The following THRAP3 variants were observed in gnomAD, a reference collection of about 807,000 sequenced individuals.
THRAP3 encodes thyroid hormone receptor-associated protein 3.
THRAP3 carries 16 observed loss-of-function variants against 101.0 expected under a neutral mutation model. The ratio of observed to expected loss-of-function variants is 0.16; its 90% CI spans 0.11 to 0.24. The LOEUF is 0.24. Among genes scored for constraint, THRAP3 ranks in the 10% least tolerant of loss-of-function variants. THRAP3 has a pLI of 1.00. For synonymous variants in THRAP3, 407 were observed against 422.6 expected (o/e 0.96, Z 0.45); for missense variants, 989 against 1,202.7 (o/e 0.82, Z 2.63).
the THRAP3 span, among the ~76,000 whole-genome samples, chr1:36,207,791 T>TTTTTTA: frequency 8.6e-5 from 13 of 151,964 alleles, no homozygotes; most frequent in Non-Finnish European, 1.6e-4. Context: ...ACTGAAGACT[T>TTTTTTA]TTTTTATTTT....
chr1:36,250,772 G>A (rs1057344550), intron 1 of THRAP3, among the ~76,000 whole-genome samples: 1 of 151,608 alleles, frequency 6.6e-6, no homozygotes, highest in Non-Finnish European at 1.5e-5. Context: ...AATTAGTTGG[G>A]CGTGGTGGTG....
chr1:36,256,131 C>G lies in THRAP3; in HGVS notation c.-134-3251C>G, dbSNP rs181465233. On this transcript the variant is annotated intron_variant, in intron 1 of 11. Transcript: ENST00000354618. ...TCTTGGGCTCAGGCAGTTCTCTTGCCTCAGCCTCCCATAATGTTGGGGTTA... is the reference window on the plus strand; with the variant it reads ...TCTTGGGCTCAGGCAGTTCTCTTGCGTCAGCCTCCCATAATGTTGGGGTTA... 2.0e-5 allele frequency among the ~76,000 whole-genome samples: 3 copies of G among 151,810 alleles called. No individual in the cohort carries two copies. The East Asian group carries it at 5.8e-4, about 29-fold the overall frequency.
intron 1 of THRAP3, among the ~76,000 whole-genome samples, chr1:36,252,945 T>TATAGATAGGC (rs1645323587): frequency 1.7e-5 from 2 of 115,298 alleles, no homozygotes; most frequent in Non-Finnish European, 3.9e-5. Flanking sequence ...TATATATATA[T>TATAGATAGGC]ATATATATAT....
intron 2 of THRAP3, among the ~76,000 whole-genome samples, chr1:36,269,902 C>CT (rs1342524695): frequency 6.6e-6 from 1 of 151,868 alleles, no homozygotes; most frequent in Non-Finnish European, 1.5e-5. Context: ...TAAATAAAGT[C>CT]TTTTTTAAGG....
chr1:36,230,682 T>A (rs1645018638), intron 1 of THRAP3, among the ~76,000 whole-genome samples: 1 of 152,216 alleles, frequency 6.6e-6, no homozygotes, highest in South Asian at 2.1e-4. Flanking sequence ...TAGGATGTGC[T>A]TTCTGCCACA....
At chr1:36,230,309 G>T (rs1184382860) in intron 1 of THRAP3, among the ~76,000 whole-genome samples, 1 of 151,596 alleles carries the variant, frequency 6.6e-6, no homozygotes, top group Non-Finnish European at 1.5e-5. Context: ...GTAGAGATGG[G>T]GTTTCTCCAT....
upstream of THRAP3, among the ~76,000 whole-genome samples, chr1:36,220,990 T>C (rs1275020249): frequency 7.5e-6 from 1 of 133,882 alleles, no homozygotes; most frequent in Non-Finnish European, 1.6e-5. Flanking sequence ...TATATATATA[T>C]ATATATATAG....
chr1:36,240,163 A>G (rs2124395420), intron 1 of THRAP3, among the ~76,000 whole-genome samples: 1 of 152,314 alleles, frequency 6.6e-6, no homozygotes, highest in South Asian at 2.1e-4. Context: ...ATTAGGAAGA[A>G]TTGGCTCTCA....
At chr1:36,302,683 G>A (rs116458533) in intron 11 of THRAP3, among the ~76,000 whole-genome samples, 3 of 151,906 alleles carry the variant, frequency 2.0e-5, no homozygotes, top group Non-Finnish European at 4.4e-5. Flanking sequence ...TAGCTTTTGT[G>A]GGGGGGTGGT....
At chr1:36,246,416 A>G (rs1279013821) in intron 1 of THRAP3, among the ~76,000 whole-genome samples, 1 of 152,188 alleles carries the variant, frequency 6.6e-6, no homozygotes, top group Non-Finnish European at 1.5e-5. Context: ...TATCTTTAGT[A>G]GAGACGGGGT....
Position 36,270,977 on chromosome 1 carries a change from G to A in THRAP3, c.-32+11493G>A, listed in dbSNP as rs568155233. The stretch of plus-strand genomic sequence containing the variant: ...TCATGGAATGTTAACTTTTTTTTTA[G>A]AATAATGGGGGAGAAATCTCTGCCT... On this transcript the variant is annotated intron_variant, in intron 2 of 11. Coordinates refer to ENST00000354618, the MANE Select transcript of THRAP3 (RefSeq NM_005119.4). Among the ~76,000 whole-genome samples the A allele has an allele frequency of 3.3e-5, 5 of 151,786 alleles. No individual in the cohort carries two copies. The South Asian group carries it at 1.0e-3, about 32-fold the overall frequency.
At chr1:36,216,460 C>T in the THRAP3 span, among the ~76,000 whole-genome samples, 1 of 143,658 alleles carries the variant, frequency 7.0e-6, no homozygotes, top group Non-Finnish European at 1.5e-5. Flanking sequence ...TCGCGCACTG[C>T]ACTCCAGCCT....
At chr1:36,299,628 G>C (rs531631825) in intron 9 of THRAP3, among the ~76,000 whole-genome samples, 6 of 151,788 alleles carry the variant, frequency 4.0e-5, no homozygotes, top group African/African-American at 1.4e-4. Context: ...AGCCTCCTGA[G>C]TAGCTGGGTA....
In THRAP3 at chr1:36,242,516, G is replaced by A. The variant is rs887802537; in HGVS notation, c.-134-16866G>A. 4.8e-5 allele frequency among the ~76,000 whole-genome samples: 7 copies of A among 145,626 alleles called. No homozygotes were observed. The South Asian group carries it at 6.5e-4, about 13-fold the overall frequency. ...CGCCCAGGCTGGAGTGCAGAGACGC[G>A]ATCTCCGCTCACTGCAAGCTCTGCC... On this transcript the variant is annotated intron_variant, in intron 1 of 11. Transcript: ENST00000354618.
At chr1:36,274,048 A>C (rs1645623151) in intron 2 of THRAP3, among the ~76,000 whole-genome samples, 2 of 140,156 alleles carry the variant, frequency 1.4e-5, no homozygotes, top group African/African-American at 5.4e-5. Flanking sequence ...ACCTCAAAAA[A>C]AAAAAAAAGA....
At chr1:36,298,146 CAAAA>C (rs10653561) in intron 9 of THRAP3, among the ~76,000 whole-genome samples, 5 of 96,002 alleles carry the variant, frequency 5.2e-5, no homozygotes, top group African/African-American at 1.2e-4. Flanking sequence ...GACTTCATCT[CAAAA>C]AAAAAAAAAA....
At chr1:36,234,418 T>C (rs1645062460) in intron 1 of THRAP3, among the ~76,000 whole-genome samples, 2 of 152,188 alleles carry the variant, frequency 1.3e-5, no homozygotes, top group East Asian at 1.9e-4. Flanking sequence ...ATTACAGAAA[T>C]AGGAAATGTA....
At chr1:36,293,640 C>CTGTGTGTGTGTG (rs577292328) in intron 7 of THRAP3, among the ~76,000 whole-genome samples, 30,773 of 133,078 alleles carry the variant, frequency 0.23, 4,182 homozygotes, top group Non-Finnish European at 0.28. Flanking sequence ...GAACCTGGGA[C>CTGTGTGTGTGTG]TGTGTGTGTG....
chr1:36,241,424 T>C (rs1303579337), intron 1 of THRAP3, among the ~76,000 whole-genome samples: 48 of 134,186 alleles, frequency 3.6e-4, no homozygotes, highest in East Asian at 3.5e-3. Context: ...TATATATATA[T>C]ATATACACAT....
Sources: gnomAD v4.1 joint callset for allele counts (sites outside exome capture counted in the v4.1 genomes callset) on GRCh38, gnomAD v4.1.1 for gene constraint, MANE v1.5 for transcripts, NCBI Gene and HGNC (gene_info 2026-07-23, HGNC 2026-07-21) for gene names.